NRCAM: variants seen among roughly 807,000 people sequenced by gnomAD.
NRCAM encodes neuronal cell adhesion molecule.
In NRCAM, 83 loss-of-function variants were observed where a neutral mutation model predicts 156.5. The observed-to-expected ratio is 0.53, with a 90% CI of 0.44 to 0.64. The LOEUF is 0.64. Among genes scored for constraint, NRCAM ranks in the 30% least tolerant of loss-of-function variants. NRCAM has a pLI of 0.00. For synonymous variants in NRCAM, 538 were observed against 563.9 expected, an observed-to-expected ratio of 0.95 and a Z score of 0.65; for missense variants, 1,417 against 1,597.3, an observed-to-expected ratio of 0.89 and a Z score of 1.92.
intron 2 of NRCAM, among the ~76,000 whole-genome samples, chr7:108,390,297 G>A (rs771732474): frequency 3.8e-4 from 57 of 151,980 alleles, no homozygotes; most frequent in Middle Eastern, 3.2e-3. Context: ...TACATGTGTC[G>A]GGGAATTTAT....
chr7:108,274,603 T>C (rs1396641295), intron 3 of NRCAM, among the ~76,000 whole-genome samples: 2 of 152,238 alleles, frequency 1.3e-5, no homozygotes, highest in Non-Finnish European at 2.9e-5. Flanking sequence ...TCCTGAGACT[T>C]TGCGGAAGTT....
chr7:108,238,361 G>A (rs558036221), intron 4 of NRCAM, among the ~76,000 whole-genome samples: 1 of 152,302 alleles, frequency 6.6e-6, no homozygotes, highest in African/African-American at 2.4e-5. Flanking sequence ...CTCAGGGGTT[G>A]CTGGTGCCCA....
chr7:108,414,786 C>T (rs921654778), intron 1 of NRCAM, among the ~76,000 whole-genome samples: 5 of 152,116 alleles, frequency 3.3e-5, no homozygotes. Flanking sequence ...GCTGGGAAGA[C>T]AGAGAAGGGG....
intron 3 of NRCAM, among the ~76,000 whole-genome samples, chr7:108,255,175 C>CTCT (rs1554407651): frequency 1.3e-5 from 1 of 75,430 alleles, no homozygotes; most frequent in African/African-American, 8.5e-5. Flanking sequence ...CCCCCTCCCC[C>CTCT]CCCTGCCCCT....
At chr7:108,179,616 C>G (rs980430146) in intron 25 of NRCAM, among the ~76,000 whole-genome samples, 14 of 152,190 alleles carry the variant, frequency 9.2e-5, no homozygotes, top group Non-Finnish European at 1.8e-4. Context: ...TCCTTCTCCC[C>G]TGACTCCTGG....
intron 2 of NRCAM, among the ~76,000 whole-genome samples, chr7:108,320,052 G>C (rs2098981913): frequency 6.6e-6 from 1 of 152,104 alleles, no homozygotes; most frequent in South Asian, 2.1e-4. Flanking sequence ...TTCCTATACA[G>C]TTATAAAAAA....
chr7:108,236,635 T>A (rs1451993263), intron 5 of NRCAM, among the ~76,000 whole-genome samples: 13 of 152,182 alleles, frequency 8.5e-5, no homozygotes, highest in Non-Finnish European at 7.4e-5. Context: ...AGAAAATAAT[T>A]ACTATAAAAT....
intron 2 of NRCAM, among the ~76,000 whole-genome samples, chr7:108,356,652 G>A (rs2099501280): frequency 6.6e-6 from 1 of 152,166 alleles, no homozygotes; most frequent in Non-Finnish European, 1.5e-5. Flanking sequence ...CAGCTATGTA[G>A]ACCAAAGAGG....
At chr7:108,368,718 CA>C (rs927297522) in intron 2 of NRCAM, among the ~76,000 whole-genome samples, 4 of 151,932 alleles carry the variant, frequency 2.6e-5, no homozygotes, top group African/African-American at 9.7e-5. Context: ...ACAAATTCCT[CA>C]AACCAGAAAA....
At chr7:108,187,903 C>G (rs974385376) in intron 20 of NRCAM, among the ~76,000 whole-genome samples, 3 of 151,762 alleles carry the variant, frequency 2.0e-5, no homozygotes, top group Non-Finnish European at 2.9e-5. Context: ...TGCAGTGAGC[C>G]GAGATCGCGC....
At chr7:108,243,123 C>T (rs1486220654) in intron 3 of NRCAM, 2 of 152,130 alleles carry the variant, frequency 1.3e-5, no homozygotes, top group African/African-American at 4.8e-5. Context: ...GGGGGTTCTC[C>T]TCAGAAGTTT....
intron 2 of NRCAM, among the ~76,000 whole-genome samples, chr7:108,372,627 T>C (rs1369135024): frequency 6.6e-6 from 1 of 152,026 alleles, no homozygotes; most frequent in African/African-American, 2.4e-5. Flanking sequence ...ATTAAGGAAA[T>C]ATGCAAATCA....
chr7:108,351,435 C>T lies in NRCAM; in HGVS notation c.-173-38704G>A, dbSNP rs60739018. 8.0e-3 allele frequency among the ~76,000 whole-genome samples: 1,211 copies of T among 152,258 alleles called. 10 individuals carry two copies. The highest frequency in any genetic ancestry group is 0.028 in the African/African-American group (1,148 of 41,542). On this transcript the variant is annotated intron_variant, in intron 2 of 32. Transcript: ENST00000379028. ...CCCAGAGACATGGGTCATGGAGGTC[C>T]CTTACAGAACAGACTAGCTTCATCA...
At chr7:108,159,807 CT>C (rs143566511) in intron 31 of NRCAM, among the ~76,000 whole-genome samples, 7,698 of 152,176 alleles carry the variant, frequency 0.051, 264 homozygotes, top group Middle Eastern at 0.099. Flanking sequence ...AGATTTCCCC[CT>C]ATTTTACCAA....
At chr7:108,328,557 C>T (rs2099094131) in intron 2 of NRCAM, 1 of 152,158 alleles carries the variant, frequency 6.6e-6, no homozygotes, top group Non-Finnish European at 1.5e-5. Context: ...GGCCCATGTG[C>T]AGTAAAATGT....
intron 2 of NRCAM, among the ~76,000 whole-genome samples, chr7:108,369,557 T>G (rs1051843335): frequency 3.3e-5 from 5 of 152,116 alleles, no homozygotes; most frequent in African/African-American, 1.2e-4. Flanking sequence ...CCAAGTAGTT[T>G]TTTAGTTATT....
intron 30 of NRCAM, among the ~76,000 whole-genome samples, chr7:108,161,602 G>A (rs144483131): frequency 6.6e-5 from 10 of 152,018 alleles, no homozygotes; most frequent in African/African-American, 1.9e-4. Context: ...AATTTCTTCC[G>A]AATATATTTT....
intron 1 of NRCAM, among the ~76,000 whole-genome samples, chr7:108,438,319 G>A (rs1445832944): frequency 6.6e-6 from 1 of 152,004 alleles, no homozygotes; most frequent in East Asian, 1.9e-4. Context: ...AAAAAGCATT[G>A]TACAATATGA....
At chr7:108,324,325 C>A (rs2099039478) in intron 2 of NRCAM, among the ~76,000 whole-genome samples, 1 of 152,192 alleles carries the variant, frequency 6.6e-6, no homozygotes, top group South Asian at 2.1e-4. Context: ...CACCCTTCTT[C>A]TCTAACTGTG....
Sources: allele counts gnomAD v4.1 joint callset (sites outside exome capture counted in the v4.1 genomes callset), GRCh38; gene constraint gnomAD v4.1.1; transcripts MANE v1.5; gene names NCBI Gene and HGNC (gene_info 2026-07-23, HGNC 2026-07-21).